RASGEF1B: variants seen among roughly 807,000 people sequenced by gnomAD.
RASGEF1B encodes RasGEF domain family member 1B.
In RASGEF1B, 30 loss-of-function variants were observed where a neutral mutation model predicts 65.7. The ratio of observed to expected loss-of-function variants is 0.46; its 90% confidence interval spans 0.34 to 0.62. The LOEUF (loss-of-function observed/expected upper bound fraction) is 0.62. Among genes scored for constraint, RASGEF1B ranks in the 20% least tolerant of loss-of-function variants. The probability of loss-of-function intolerance (pLI) is 0.01; values close to 1 mark genes in which losing one functional copy is unlikely to be tolerated. For synonymous variants in RASGEF1B, 175 were observed against 194.8 expected (o/e 0.90, Z 0.85); for missense variants, 495 against 580.1 (o/e 0.85, Z 1.51).
chr4:81,460,708 G>A (rs953859977), intron 1 of RASGEF1B, among the ~76,000 whole-genome samples: 1 of 152,134 alleles, frequency 6.6e-6, no homozygotes, highest in Non-Finnish European at 1.5e-5. Context: ...GGCATTAAGA[G>A]AAAACATCCA....
chr4:81,449,323 G>A (rs1439509600), intron 4 of RASGEF1B, among the ~76,000 whole-genome samples: 2 of 152,148 alleles, frequency 1.3e-5, no homozygotes, highest in Admixed American at 1.3e-4. Context: ...TTATGCTACA[G>A]CCTCATGCTT....
intron 3 of RASGEF1B, 78 bp from the exon 4 acceptor site, chr4:81,456,866 C>A: frequency 1.6e-6 from 2 of 1,289,226 alleles, no homozygotes; most frequent in South Asian, 2.9e-5. Context: ...CAAAGAGCGT[C>A]ACTGAGAAAC....
chr4:81,429,720 A>G (rs1721353762), intron 13 of RASGEF1B, among the ~76,000 whole-genome samples: 1 of 152,010 alleles, frequency 6.6e-6, no homozygotes, highest in South Asian at 2.1e-4. Flanking sequence ...CACTGGTAGA[A>G]GGGCACGCCG....
chr4:81,444,095 A>T (rs894998598), intron 8 of RASGEF1B, among the ~76,000 whole-genome samples: 4 of 152,138 alleles, frequency 2.6e-5, no homozygotes, highest in African/African-American at 9.7e-5. Context: ...TCGCATGACA[A>T]ATCTGTTTCA....
chr4:81,429,061 G>A (rs2109961474), intron 13 of RASGEF1B, among the ~76,000 whole-genome samples: 1 of 152,380 alleles, frequency 6.6e-6, no homozygotes, highest in Non-Finnish European at 1.5e-5. Context: ...CAGAGCTGGG[G>A]CAGACATTAG....
At chr4:81,465,315 C>G (rs1190539170) in intron 1 of RASGEF1B, among the ~76,000 whole-genome samples, 2 of 151,950 alleles carry the variant, frequency 1.3e-5, no homozygotes, top group African/African-American at 2.4e-5. Flanking sequence ...ATGAAACAGG[C>G]GAAAAGAAAG....
intron 13 of RASGEF1B, among the ~76,000 whole-genome samples, chr4:81,429,909 G>A (rs959331380): frequency 4.6e-5 from 7 of 152,212 alleles, no homozygotes; most frequent in African/African-American, 1.4e-4. Context: ...GGGACGAGGC[G>A]AAGTTTGGCA....
intron 1 of RASGEF1B, among the ~76,000 whole-genome samples, chr4:81,463,601 T>C (rs2109996054): frequency 6.6e-6 from 1 of 152,326 alleles, no homozygotes; most frequent in African/African-American, 2.4e-5. Flanking sequence ...AGTCTAGCTG[T>C]TTTCGGAAGG....
intron 1 of RASGEF1B, among the ~76,000 whole-genome samples, chr4:81,464,815 T>C (rs1374344661): frequency 6.6e-6 from 1 of 152,190 alleles, no homozygotes; most frequent in Admixed American, 6.5e-5. Flanking sequence ...CCAGGAGCGG[T>C]GGCTCACACC....
At chr4:81,437,113 A>G (rs1721654392) in intron 10 of RASGEF1B, among the ~76,000 whole-genome samples, 1 of 152,254 alleles carries the variant, frequency 6.6e-6, no homozygotes, top group Non-Finnish European at 1.5e-5. Flanking sequence ...GGATGCTGCC[A>G]GACAACAGCA....
At chr4:81,465,519 T>C (rs1722776505) in intron 1 of RASGEF1B, among the ~76,000 whole-genome samples, 1 of 152,188 alleles carries the variant, frequency 6.6e-6, no homozygotes, top group South Asian at 2.1e-4. Context: ...ATAGATCACG[T>C]TCTTCCAAGG....
chr4:81,459,599 T>A, intron 1 of RASGEF1B, 85 bp from the exon 2 acceptor site: 1 of 1,015,544 alleles, frequency 9.8e-7, no homozygotes, highest in Non-Finnish European at 1.4e-6. Flanking sequence ...CACTAAGATT[T>A]AATAGTAACG....
intron 1 of RASGEF1B, among the ~76,000 whole-genome samples, chr4:81,465,916 C>T (rs1483727735): frequency 6.6e-6 from 1 of 151,728 alleles, no homozygotes; most frequent in Non-Finnish European, 1.5e-5. Context: ...ATGTAAGAGT[C>T]AGAGAAAAAA....
At chr4:81,466,600 A>C (rs942575494) in intron 1 of RASGEF1B, among the ~76,000 whole-genome samples, 3 of 151,906 alleles carry the variant, frequency 2.0e-5, no homozygotes, top group South Asian at 4.2e-4. Context: ...TCTACTAAAA[A>C]CACAAAAAAT....
chr4:81,453,872 A>G (rs950022701), intron 4 of RASGEF1B: 11 of 152,258 alleles, frequency 7.2e-5, no homozygotes, highest in African/African-American at 2.7e-4. Flanking sequence ...AGGACTAGCC[A>G]AAACACACTC....
chr4:81,435,501 C>T (rs1387213402), intron 10 of RASGEF1B, among the ~76,000 whole-genome samples: 1 of 120,828 alleles, frequency 8.3e-6, no homozygotes, highest in Non-Finnish European at 1.7e-5. Flanking sequence ...TGGAGTCTCG[C>T]TCTGTCACCC....
rs1157821405 is a variant in RASGEF1B at position 81,469,974 on chromosome 4, G to C, written c.-7+1796C>G. Among the ~76,000 whole-genome samples, 3 of 152,160 alleles carry C rather than the reference G, an allele frequency of 2.0e-5. No homozygotes were observed. In the South Asian group the frequency reaches 6.2e-4, roughly 32 times the overall value. On this transcript the variant is annotated intron_variant, in intron 1 of 13. Coordinates refer to ENST00000264400, the MANE Select transcript of RASGEF1B (RefSeq NM_152545.3). The stretch of plus-strand genomic sequence containing the variant: ...AAACAAAGGATTGACCCGACATGCA[G>C]TGGAAGAATGCCAACAAGAAACTTG...
intron 4 of RASGEF1B, chr4:81,455,817 A>G (rs1722423750): frequency 6.6e-6 from 1 of 152,266 alleles, no homozygotes; most frequent in African/African-American, 2.4e-5. Context: ...ATCTCTACCT[A>G]TACTAGAGTC....
chr4:81,428,730 G>C (rs1721313702), intron 13 of RASGEF1B, among the ~76,000 whole-genome samples: 1 of 152,176 alleles, frequency 6.6e-6, no homozygotes, highest in Non-Finnish European at 1.5e-5. Flanking sequence ...CAGTAAGACT[G>C]ATGGCCACAA....
Sources: gnomAD v4.1 joint callset for allele counts (sites outside exome capture counted in the v4.1 genomes callset) on GRCh38, gnomAD v4.1.1 for gene constraint, MANE v1.5 for transcripts, NCBI Gene and HGNC (gene_info 2026-07-23, HGNC 2026-07-21) for gene names.